Variants in BZW2 observed in about 807,000 individuals in gnomAD.
BZW2 encodes basic leucine zipper and W2 domains 2, also known as eIF5-mimic protein 1.
BZW2 carries 23 observed loss-of-function variants against 53.2 expected under a neutral mutation model. The observed-to-expected ratio is 0.43, with a 90% CI of 0.31 to 0.61. The LOEUF (loss-of-function observed/expected upper bound fraction) is 0.61. Among genes scored for constraint, BZW2 ranks in the 20% least tolerant of loss-of-function variants. The probability of loss-of-function intolerance (pLI) is 0.09; values close to 1 mark genes in which losing one functional copy is unlikely to be tolerated. For synonymous variants in BZW2, 227 were observed against 186.4 expected (o/e 1.22, Z -1.77); for missense variants, 409 against 503.1 (o/e 0.81, Z 1.79).
At chr7:16,651,189 C>A (rs989231504) in intron 1 of BZW2, among the ~76,000 whole-genome samples, 11 of 152,090 alleles carry the variant, frequency 7.2e-5, no homozygotes, top group Non-Finnish European at 1.3e-4. Context: ...TTTTTTGTGT[C>A]AGATGTAGCA....
At chr7:16,654,899 T>G (rs557067336) in intron 1 of BZW2, among the ~76,000 whole-genome samples, 90 of 152,224 alleles carry the variant, frequency 5.9e-4, no homozygotes, top group African/African-American at 2.1e-3. Flanking sequence ...GACTGATAGA[T>G]TTTTTCTAAT....
chr7:16,649,139 C>T (rs1206148314), intron 1 of BZW2, among the ~76,000 whole-genome samples: 1 of 152,106 alleles, frequency 6.6e-6, no homozygotes, highest in Non-Finnish European at 1.5e-5. Context: ...CATGAAAATA[C>T]CTAAAACAAG....
At chr7:16,660,581 A>G (rs938949700) in intron 1 of BZW2, among the ~76,000 whole-genome samples, 6 of 152,056 alleles carry the variant, frequency 3.9e-5, no homozygotes, top group African/African-American at 1.4e-4. Context: ...AAAAATTTCT[A>G]TTCTTTAGAT....
chr7:16,692,025 C>T (rs567388850), intron 7 of BZW2, among the ~76,000 whole-genome samples: 10 of 152,176 alleles, frequency 6.6e-5, no homozygotes, highest in African/African-American at 2.4e-4. Flanking sequence ...TTTGTTGAAT[C>T]AACAAAAGAA....
chr7:16,704,648 T>G lies in BZW2; in HGVS notation c.1210T>G (p.Trp404Gly). The change falls in exon 11 of 12, where the codon TGG (tryptophan) becomes GGG (glycine). Residue 404 changes from tryptophan (W) to glycine (G), a missense_variant. Coordinates refer to ENST00000258761, the MANE Select transcript of BZW2 (RefSeq NM_014038.3). Reference protein sequence around the residue: ...FLDQMKKFVEWLQNAEEESES... With the variant: ...FLDQMKKFVEGLQNAEEESES... ...TGACCAGATGAAGAAATTTGTTGAG[T>G]GGTTACAAAATGCAGAAGAAGGTAT... 1 of 1,587,094 alleles carries G rather than the reference T, an allele frequency of 6.3e-7. No individual in the cohort carries two copies. Among genetic ancestry groups the G allele is most frequent in the Non-Finnish European group, 8.6e-7 (1 of 1,159,786 alleles).
At chr7:16,668,947 A>G (rs147619638) in intron 2 of BZW2, among the ~76,000 whole-genome samples, 46 of 152,300 alleles carry the variant, frequency 3.0e-4, no homozygotes, top group African/African-American at 1.1e-3. Flanking sequence ...TCCCATGAGC[A>G]ATTGGATTAT....
rs1782707897 is a variant in BZW2 at position 16,674,510 on chromosome 7, G to A, written c.157G>A (p.Asp53Asn). 1.2e-6 allele frequency: 2 copies of A among 1,613,240 alleles called. No homozygotes were observed. The highest frequency in any genetic ancestry group is 2.7e-5 in the African/African-American group (2 of 74,888). Residue 53 changes from aspartate to asparagine, a missense_variant, in exon 3 of 12, where the codon GAC (aspartate) becomes AAC (asparagine). Transcript: ENST00000258761. The part of the protein sequence containing the change: ...DDLEAVAKFL[D>N]STGSRLDYRR... The stretch of plus-strand genomic sequence containing the variant: ...CCTTGAAGCTGTAGCCAAATTTCTG[G>A]ACTCTACAGGCTCAAGATTAGATTA...
chr7:16,653,075 T>A (rs1782027809), intron 1 of BZW2, among the ~76,000 whole-genome samples: 1 of 151,868 alleles, frequency 6.6e-6, no homozygotes, highest in South Asian at 2.1e-4. Flanking sequence ...CAAATAAAGC[T>A]TCACCTGCTA....
At chr7:16,692,639 C>G (rs1783345641) in intron 7 of BZW2, among the ~76,000 whole-genome samples, 2 of 152,096 alleles carry the variant, frequency 1.3e-5, no homozygotes, top group Non-Finnish European at 2.9e-5. Context: ...TGGTGCACAC[C>G]TGTAATCTCA....
At chr7:16,675,363 G>A (rs1351689068) in intron 3 of BZW2, among the ~76,000 whole-genome samples, 1 of 152,138 alleles carries the variant, frequency 6.6e-6, no homozygotes, top group Non-Finnish European at 1.5e-5. Context: ...GGGGAGGGCA[G>A]GTATTTGTCT....
At chr7:16,647,016 T>C (rs1479626529) in intron 1 of BZW2, among the ~76,000 whole-genome samples, 1 of 152,116 alleles carries the variant, frequency 6.6e-6, no homozygotes, top group African/African-American at 2.4e-5. Flanking sequence ...TTGCTGCCTA[T>C]ATATAGCCTT....
At chr7:16,680,292 T>C (rs818508) in intron 3 of BZW2, among the ~76,000 whole-genome samples, 46,782 of 152,040 alleles carry the variant, frequency 0.31, 8,737 homozygotes, top group African/African-American at 0.53. Flanking sequence ...TGGGAAGTGT[T>C]TGGAGTTGCA....
At chr7:16,673,168 A>G (rs534100666) in intron 2 of BZW2, among the ~76,000 whole-genome samples, 16 of 152,098 alleles carry the variant, frequency 1.1e-4, no homozygotes, top group Non-Finnish European at 1.9e-4. Context: ...GGATGGTCTC[A>G]ATCTTCTGAC....
At chr7:16,685,720 C>G (rs1181970519) in intron 5 of BZW2, among the ~76,000 whole-genome samples, 185 bp from the exon 6 acceptor site, 1 of 152,134 alleles carries the variant, frequency 6.6e-6, no homozygotes, top group Non-Finnish European at 1.5e-5. Flanking sequence ...GCTCAAGTCA[C>G]TTTCCACAGC....
chr7:16,666,773 C>T (rs1466285496), intron 2 of BZW2, among the ~76,000 whole-genome samples: 1 of 152,056 alleles, frequency 6.6e-6, no homozygotes, highest in Admixed American at 6.6e-5. Context: ...GGCTCCAGTG[C>T]TCCTCCCACC....
Position 16,656,551 on chromosome 7 carries a change from GCGCGCA to G in BZW2, c.-7-8884_-7-8879del, listed in dbSNP as rs879674609. Among the ~76,000 whole-genome samples the G allele has an allele frequency of 2.8e-3, 320 of 112,312 alleles. 9 individuals carry two copies. Among genetic ancestry groups the G allele is most frequent in the Admixed American group, 0.028 (282 of 10,154 alleles). The allele number at this position is 112,312 out of a possible 152,430, so 73.7% of individuals were successfully genotyped here. A position where few individuals can be genotyped will look rare whatever the true frequency, so the allele number is the denominator to read the frequency against. On this transcript the variant is annotated intron_variant, in intron 1 of 11. Transcript: ENST00000258761. ...GATCATCAAGCACTCCCCAGCGCGC[GCGCGCA>G]CACACACACACACACACACACACAC...
At chr7:16,651,007 T>C (rs1041514006) in intron 1 of BZW2, among the ~76,000 whole-genome samples, 6 of 152,226 alleles carry the variant, frequency 3.9e-5, no homozygotes, top group Non-Finnish European at 8.8e-5. Flanking sequence ...GGTGTTTCCA[T>C]TGATGTTTTT....
intron 8 of BZW2, among the ~76,000 whole-genome samples, chr7:16,695,663 T>C (rs925327461): frequency 6.6e-6 from 1 of 152,184 alleles, no homozygotes; most frequent in African/African-American, 2.4e-5. Context: ...CTATTTGAAG[T>C]TTTAAAATCT....
At chr7:16,674,627 T>C in intron 3 of BZW2, 39 bp downstream of exon 3, 2 of 1,418,086 alleles carry the variant, frequency 1.4e-6, no homozygotes, top group Non-Finnish European at 1.9e-6. Context: ...TATATTTATA[T>C]ATTTTTAATT....
Sources: gnomAD v4.1 joint callset for allele counts (sites outside exome capture counted in the v4.1 genomes callset) on GRCh38, gnomAD v4.1.1 for gene constraint, MANE v1.5 for transcripts, NCBI Gene and HGNC (gene_info 2026-07-23, HGNC 2026-07-21) for gene names.